The following USP9X variants were observed in gnomAD, a reference collection of about 807,000 sequenced individuals.
USP9X encodes the protein ubiquitin specific peptidase 9 X-linked.
USP9X carries 7 observed loss-of-function variants against 190.3 expected under a neutral mutation model. That is an observed-to-expected ratio of 0.04 (90% CI 0.02 to 0.07). The LOEUF (loss-of-function observed/expected upper bound fraction) is 0.07, where lower values mean the gene tolerates loss of function less well. USP9X is among the 10% of genes least tolerant of loss of function. The pLI, the probability that USP9X is intolerant of heterozygous loss-of-function variation, is 1.00. For synonymous variants in USP9X, 645 were observed against 659.5 expected, an observed-to-expected ratio of 0.98 and a Z score of 0.34; for missense variants, 1,010 against 1,916.9, an observed-to-expected ratio of 0.53 and a Z score of 8.83.
In USP9X at chrX:41,230,555, G is replaced by A. The variant is rs1476832053; in HGVS notation, c.7486G>A (p.Ala2496Thr). The part of the protein sequence containing the change: ...DEHESPPPED[A>T]PLYPHSPGSQ... ...ACATGAGTCGCCTCCACCTGAAGAT[G>A]CCCCATTGTACCCCCATTCACCTGG... The change falls in exon 44 of 45, where the codon GCC (alanine) becomes ACC (threonine). Residue 2496 changes from alanine to threonine, a missense_variant. Ala to Thr is a moderately conservative substitution (Grantham distance 58). Coordinates refer to ENST00000378308, the MANE Select transcript of USP9X (RefSeq NM_001039591.3). 6 of 1,208,977 alleles carry A rather than the reference G, an allele frequency of 5.0e-6. No individual in the cohort carries two copies. Among genetic ancestry groups the A allele is most frequent in the Non-Finnish European group, 6.7e-6 (6 of 894,848 alleles).
chrX:41,211,910 A>G (rs1312549824), intron 33 of USP9X, among the ~76,000 whole-genome samples: 1 of 110,805 alleles, frequency 9.0e-6, no homozygotes, highest in African/African-American at 3.3e-5. Context: ...GGCCGCCCCT[A>G]CTGGGAAGTG....
chrX:41,215,879 C>T lies in USP9X; in HGVS notation c.5332-20C>T. 1 of 1,145,085 alleles carries T rather than the reference C, an allele frequency of 8.7e-7. No individual in the cohort carries two copies. The highest frequency in any genetic ancestry group is 1.2e-6 in the Non-Finnish European group (1 of 858,839). The allele number at this position is 1,145,085 out of a possible 1,213,427, so 94.4% of individuals were successfully genotyped here. ...TGGATTTTAATAGAACATCTGGTAA[C>T]TTTGTCTTGTTTATTTTAGGTTGAT... On this transcript the variant is annotated intron_variant, in intron 34 of 44. Transcript: ENST00000378308.
intron 1 of USP9X, among the ~76,000 whole-genome samples, chrX:41,099,096 G>GTTTTTTGTTTT (rs2062015058): frequency 2.3e-5 from 1 of 44,274 alleles, no homozygotes; most frequent in Non-Finnish European, 3.7e-5. Flanking sequence ...CCAGATAATT[G>GTTTTTTGTTTT]TTTTTTTTTT....
At chrX:41,104,915 G>A (rs903523071) in intron 1 of USP9X, among the ~76,000 whole-genome samples, 1 of 111,835 alleles carries the variant, frequency 8.9e-6, no homozygotes, top group Non-Finnish European at 1.9e-5. Flanking sequence ...CTAACAATGT[G>A]TATAGGGAAA....
rs2063208064 is a variant in USP9X, at chrX:41,215,879, C to G, written c.5332-20C>G. 1.7e-6 allele frequency: 2 copies of G among 1,143,086 alleles called. No homozygotes were observed. The highest frequency in any genetic ancestry group is 2.5e-5 in the Admixed American group (1 of 39,859). The allele number at this position is 1,143,086 out of a possible 1,213,427, so 94.2% of individuals were successfully genotyped here. The stretch of plus-strand genomic sequence containing the variant: ...TGGATTTTAATAGAACATCTGGTAA[C>G]TTTGTCTTGTTTATTTTAGGTTGAT... On this transcript the variant is annotated intron_variant, in intron 34 of 44. Transcript: ENST00000378308.
intron 11 of USP9X, among the ~76,000 whole-genome samples, chrX:41,146,425 T>C (rs2062463985): frequency 8.9e-6 from 1 of 112,151 alleles, no homozygotes; most frequent in African/African-American, 3.2e-5. Flanking sequence ...ACCAAATGAT[T>C]CCAACCTTCT....
At chrX:41,101,972 A>G (rs746523663) in intron 1 of USP9X, among the ~76,000 whole-genome samples, 1 of 111,715 alleles carries the variant, frequency 9.0e-6, no homozygotes, top group South Asian at 3.7e-4. Context: ...ATAGATTAGC[A>G]TGGGACTGAG....
At chrX:41,135,787 C>T (rs752873744) in intron 5 of USP9X, among the ~76,000 whole-genome samples, 19 of 110,732 alleles carry the variant, frequency 1.7e-4, no homozygotes, top group African/African-American at 5.6e-4. Flanking sequence ...TGCGCCACCA[C>T]GCCTGGCTAA....
At position 41,150,965 on chromosome X, in the gene USP9X, A is replaced by G; in HGVS notation, c.1671A>G (p.Glu557=). 8.3e-7 allele frequency: 1 copy of G among 1,207,913 alleles called. No homozygotes were observed. The highest frequency in any genetic ancestry group is 1.8e-5 in the South Asian group (1 of 56,235). ...QKIQWIDRFI[E]ELRTNDKWVI... Reference sequence around the variant, plus strand: ...TCCAATGGATAGATCGCTTTATAGAAGAACTTCGCACAAATGACAAATGGG... The same window carrying G: ...TCCAATGGATAGATCGCTTTATAGAGGAACTTCGCACAAATGACAAATGGG... The change falls in exon 13 of 45, where the codon GAA becomes GAG. Residue 557 remains glutamate (E), a synonymous_variant. Transcript: ENST00000378308.
In USP9X at chrX:41,210,433, T is replaced by A. The variant is rs1371152026; in HGVS notation, c.5016-76T>A. On this transcript the variant is annotated intron_variant, in intron 32 of 44. Transcript: ENST00000378308. ...TGTTTGTGGTCTTGTTGCTTTTTTTTCCCCTGAAAAATATAGTTGTACATA... is the reference window on the plus strand; with the variant it reads ...TGTTTGTGGTCTTGTTGCTTTTTTTACCCCTGAAAAATATAGTTGTACATA... 27 of 1,071,348 alleles carry A rather than the reference T, an allele frequency of 2.5e-5. 1 individual carries two copies. Among genetic ancestry groups the A allele is most frequent in the Non-Finnish European group, 3.3e-5 (26 of 787,423 alleles). 88.3% of individuals were successfully genotyped at this position (1,071,348 alleles called of 1,213,427 possible).
chrX:41,179,434 C>T (rs1390799251), intron 21 of USP9X, among the ~76,000 whole-genome samples: 3 of 111,822 alleles, frequency 2.7e-5, no homozygotes, highest in African/African-American at 9.8e-5. Flanking sequence ...TTCGTTCTTT[C>T]ATCAGTTTTT....
chrX:41,153,091 G>A lies in USP9X; in HGVS notation c.1897+10G>A, dbSNP rs748577723. On this transcript the variant is annotated intron_variant, in intron 14 of 44. Transcript: ENST00000378308. The stretch of plus-strand genomic sequence containing the variant: ...AGACTATATGCTAGAGGTATGTATT[G>A]TAAGCTAAAATAAACTATGGGAAAT... 1 of 1,185,694 alleles carries A rather than the reference G, an allele frequency of 8.4e-7. No homozygotes were observed. The highest frequency in any genetic ancestry group is 1.1e-6 in the Non-Finnish European group (1 of 883,843).
intron 13 of USP9X, among the ~76,000 whole-genome samples, 194 bp downstream of exon 13, chrX:41,151,251 C>A (rs1285641118): frequency 1.8e-5 from 2 of 110,630 alleles, no homozygotes; most frequent in Non-Finnish European, 3.8e-5. Context: ...AAGTAAGCCA[C>A]AGTTAAGTGA....
At chrX:41,180,587 A>G (rs2062816788) in intron 21 of USP9X, among the ~76,000 whole-genome samples, 1 of 112,288 alleles carries the variant, frequency 8.9e-6, no homozygotes, top group African/African-American at 3.2e-5. Context: ...TCCTGCTTCT[A>G]ATTGCTACTC....
intron 6 of USP9X, 88 bp downstream of exon 6, chrX:41,137,110 C>A: frequency 1.2e-6 from 1 of 864,801 alleles, no homozygotes; most frequent in South Asian, 2.5e-5. Context: ...TAAAGTGTGA[C>A]AATGAAATAA....
chrX:41,201,533 C>A (rs1488338022), intron 31 of USP9X, among the ~76,000 whole-genome samples: 4 of 111,185 alleles, frequency 3.6e-5, no homozygotes, highest in East Asian at 5.7e-4. Flanking sequence ...CAGAGTGAGA[C>A]CCTGTCTCAG....
Position 41,168,230 on chromosome X carries a change from ACTAAT to A in USP9X, c.2636+16_2636+20del. On this transcript the variant is annotated intron_variant, in intron 18 of 44. Coordinates refer to ENST00000378308, the MANE Select transcript of USP9X (RefSeq NM_001039591.3). ...CTCCCTATGTCGAGGTTTGTGAATA[ACTAAT>A]CTATTGGTGCTAATTCTTAATTATT... 8.6e-7 allele frequency: 1 copy of A among 1,161,169 alleles called. No homozygotes were observed. Among genetic ancestry groups the A allele is most frequent in the African/African-American group, 1.8e-5 (1 of 56,907 alleles).
chrX:41,206,777 A>T (rs1347662131), intron 32 of USP9X, among the ~76,000 whole-genome samples: 1 of 108,512 alleles, frequency 9.2e-6, no homozygotes, highest in African/African-American at 3.3e-5. Flanking sequence ...ATATATATAC[A>T]ATTTTTTTTT....
rs1427333681 is a variant in USP9X at position 41,232,866 on chromosome X, C to A, written c.*342C>A. 4 of 120,124 alleles carry A rather than the reference C, an allele frequency of 3.3e-5. No homozygotes were observed. In the South Asian group the frequency reaches 1.0e-3, roughly 31 times the overall value. 9.9% of individuals were successfully genotyped at this position (120,124 alleles called of 1,213,427 possible). A position where few individuals can be genotyped will look rare whatever the true frequency, so the allele number is the denominator to read the frequency against. Reference sequence around the variant, plus strand: ...ACTACAAAAGTTAATTTTCTTGTTACACCCACTGCACTCTGCAACCAGTGT... The same window carrying A: ...ACTACAAAAGTTAATTTTCTTGTTAAACCCACTGCACTCTGCAACCAGTGT... On this transcript the variant is annotated 3_prime_UTR_variant, in exon 45 of 45. Coordinates refer to ENST00000378308, the MANE Select transcript of USP9X (RefSeq NM_001039591.3).
Sources: allele counts gnomAD v4.1 joint callset (sites outside exome capture counted in the v4.1 genomes callset), GRCh38; gene constraint gnomAD v4.1.1; transcripts MANE v1.5; gene names NCBI Gene and HGNC (gene_info 2026-07-23, HGNC 2026-07-21).